Variants in TANGO6 observed in about 807,000 individuals in gnomAD.
TANGO6 encodes the protein transport and golgi organization 6 homolog.
In TANGO6, 90 loss-of-function variants were observed where a neutral mutation model predicts 114.2. The observed-to-expected ratio is 0.79, with a 90% CI of 0.66 to 0.94. The LOEUF (loss-of-function observed/expected upper bound fraction) is 0.94. TANGO6 is among the 40% of genes least tolerant of loss of function. The pLI, the probability that TANGO6 is intolerant of heterozygous loss-of-function variation, is 0.00. For missense variants in TANGO6, 1,274 were observed against 1,315.3 expected, an observed-to-expected ratio of 0.97 and a Z score of 0.49; for synonymous variants, 477 against 509.8, an observed-to-expected ratio of 0.94 and a Z score of 0.87.
intron 15 of TANGO6, among the ~76,000 whole-genome samples, chr16:68,980,433 ATATTTTT>A (rs1238091122): frequency 9.9e-5 from 8 of 80,750 alleles, no homozygotes; most frequent in Admixed American, 7.1e-4. Flanking sequence ...ATATATATAT[ATATTTTT>A]TTTTTTTTTT....
intron 14 of TANGO6, among the ~76,000 whole-genome samples, chr16:68,963,346 C>T (rs1425484383): frequency 2.0e-5 from 3 of 152,156 alleles, no homozygotes; most frequent in Middle Eastern, 6.8e-3. Flanking sequence ...GAACTCCTGA[C>T]CCTAAAGTGA....
chr16:68,897,315 T>C (rs547925363), intron 7 of TANGO6, among the ~76,000 whole-genome samples: 2 of 152,296 alleles, frequency 1.3e-5, no homozygotes, highest in Admixed American at 6.5e-5. Context: ...CCTGGTATTA[T>C]ATAGTTGTTG....
At chr16:69,028,692 A>G (rs1959544924) in intron 16 of TANGO6, among the ~76,000 whole-genome samples, 1 of 152,018 alleles carries the variant, frequency 6.6e-6, no homozygotes, top group Non-Finnish European at 1.5e-5. Context: ...TTAGTATATA[A>G]AGAGTTATTG....
intron 17 of TANGO6, among the ~76,000 whole-genome samples, chr16:69,073,764 G>A (rs1474320596): frequency 6.6e-6 from 1 of 152,100 alleles, no homozygotes; most frequent in South Asian, 2.1e-4. Flanking sequence ...AGACCAGCCT[G>A]GCCAATATGG....
At chr16:68,881,710 GA>G (rs1331592517) in intron 7 of TANGO6, among the ~76,000 whole-genome samples, 1 of 151,962 alleles carries the variant, frequency 6.6e-6, no homozygotes, top group Non-Finnish European at 1.5e-5. Flanking sequence ...TCTATTCATA[GA>G]AAAAAAGTGA....
At chr16:68,933,207 G>T (rs566543264) in intron 14 of TANGO6, among the ~76,000 whole-genome samples, 54 of 152,306 alleles carry the variant, frequency 3.5e-4, no homozygotes, top group African/African-American at 1.2e-3. Context: ...CTGAAGTCAG[G>T]AGTTCAAGAC....
At chr16:68,858,481 C>A (rs1024738986) in intron 1 of TANGO6, among the ~76,000 whole-genome samples, 1 of 152,120 alleles carries the variant, frequency 6.6e-6, no homozygotes, top group Non-Finnish European at 1.5e-5. Context: ...TTTCATTTCA[C>A]GTATATTGTT....
In TANGO6 at chr16:68,843,552, C is replaced by A; in HGVS notation, c.-66C>A. On this transcript the variant is annotated 5_prime_UTR_variant, in exon 1 of 18. Coordinates refer to ENST00000261778, the MANE Select transcript of TANGO6 (RefSeq NM_024562.2). ...GCCCAGAGCCTTCTGCCACACTTAA[C>A]ATGGCGGCGGCGGCGCCCTGCCGAG... The A allele has an allele frequency of 6.6e-7, 1 of 1,506,468 alleles. No homozygotes were observed. Among genetic ancestry groups the A allele is most frequent in the Non-Finnish European group, 9.2e-7 (1 of 1,092,592 alleles). The allele number at this position is 1,506,468 out of a possible 1,614,324, so 93.3% of individuals were successfully genotyped here.
chr16:68,856,403 A>G (rs1961994312), intron 1 of TANGO6, among the ~76,000 whole-genome samples: 1 of 152,214 alleles, frequency 6.6e-6, no homozygotes, highest in Non-Finnish European at 1.5e-5. Context: ...ATTGAGTGTC[A>G]AGTGTTAAGC....
intron 16 of TANGO6, among the ~76,000 whole-genome samples, chr16:69,024,660 T>C (rs1567560937): frequency 6.6e-6 from 1 of 152,192 alleles, no homozygotes; most frequent in African/African-American, 2.4e-5. Flanking sequence ...GCACCTACTC[T>C]GCTATTTACA....
chr16:68,880,250 T>G (rs111990480), intron 6 of TANGO6, among the ~76,000 whole-genome samples: 15,165 of 151,330 alleles, frequency 0.1, 845 homozygotes, highest in Non-Finnish European at 0.13. Flanking sequence ...GGGATTACAG[T>G]TGTGAGCCAC....
intron 14 of TANGO6, among the ~76,000 whole-genome samples, chr16:68,970,329 A>C (rs1416691888): frequency 2.0e-5 from 3 of 152,218 alleles, no homozygotes; most frequent in Admixed American, 2.0e-4. Flanking sequence ...TCACAGAAGT[A>C]AATGACTGTT....
intron 12 of TANGO6, among the ~76,000 whole-genome samples, chr16:68,922,684 T>G (rs1419612375): frequency 6.6e-6 from 1 of 152,166 alleles, no homozygotes; most frequent in Non-Finnish European, 1.5e-5. Context: ...AAGAAGCAGT[T>G]TCTGCATGAT....
chr16:68,914,998 CACAT>C (rs1346200203), intron 11 of TANGO6, among the ~76,000 whole-genome samples: 1 of 142,028 alleles, frequency 7.0e-6, no homozygotes, highest in Non-Finnish European at 1.5e-5. Context: ...CACACACACA[CACAT>C]ATAGATAGTG....
chr16:68,872,309 C>A (rs1383706304), intron 4 of TANGO6, among the ~76,000 whole-genome samples: 1 of 143,486 alleles, frequency 7.0e-6, no homozygotes, highest in Non-Finnish European at 1.5e-5. Flanking sequence ...ATTTTTTTTT[C>A]TTTTTTTTTT....
intron 1 of TANGO6, among the ~76,000 whole-genome samples, chr16:68,856,877 A>G (rs1166818315): frequency 2.0e-5 from 3 of 152,210 alleles, no homozygotes; most frequent in Non-Finnish European, 4.4e-5. Flanking sequence ...TGGGAGGCTA[A>G]GGTGGGCGGA....
chr16:69,010,447 C>T (rs980256320), intron 15 of TANGO6, among the ~76,000 whole-genome samples: 2 of 152,272 alleles, frequency 1.3e-5, no homozygotes, highest in Admixed American at 1.3e-4. Flanking sequence ...TTTGACACCG[C>T]CTGTTTCTGA....
intron 15 of TANGO6, among the ~76,000 whole-genome samples, chr16:68,992,351 GA>G (rs747717445): frequency 2.0e-5 from 3 of 152,154 alleles, no homozygotes; most frequent in Non-Finnish European, 4.4e-5. Context: ...TAGTAGCATG[GA>G]CAAGTTATAT....
At position 68,974,222 on chromosome 16, in the gene TANGO6, T is replaced by G. The variant is rs1038753139; in HGVS notation, c.2842+54T>G. Reference sequence around the variant, plus strand: ...AAAGGGTGGAGGATCAGTGTGACTTTGAAACCAAAATGTGTGTACCTGGGG... The same window carrying G: ...AAAGGGTGGAGGATCAGTGTGACTTGGAAACCAAAATGTGTGTACCTGGGG... On this transcript the variant is annotated intron_variant, in intron 15 of 17. Transcript: ENST00000261778. 5.0e-6 allele frequency: 8 copies of G among 1,609,912 alleles called. No homozygotes were observed. The African/African-American group carries it at 1.1e-4, about 22-fold the overall frequency.
Sources: allele counts gnomAD v4.1 joint callset (sites outside exome capture counted in the v4.1 genomes callset), GRCh38; gene constraint gnomAD v4.1.1; transcripts MANE v1.5; gene names NCBI Gene and HGNC (gene_info 2026-07-23, HGNC 2026-07-21).